UGP2: variants seen among roughly 807,000 people sequenced by gnomAD.
UGP2 encodes the protein UDP-glucose pyrophosphorylase 2.
In UGP2, 40 loss-of-function variants were observed where a neutral mutation model predicts 49.0. That is an observed-to-expected ratio of 0.82 (90% confidence interval 0.63 to 1.06). The LOEUF (loss-of-function observed/expected upper bound fraction) is 1.06. Among genes scored for constraint, UGP2 ranks in the 50% least tolerant of loss-of-function variants. The probability of loss-of-function intolerance (pLI) is 0.00; values close to 1 mark genes in which losing one functional copy is unlikely to be tolerated. For missense variants in UGP2, 460 were observed against 603.5 expected (o/e 0.76, Z 2.49); for synonymous variants, 225 against 213.0 (o/e 1.06, Z -0.49).
At chr2:63,849,659 C>T (rs1558933096) in intron 1 of UGP2, among the ~76,000 whole-genome samples, 1 of 152,158 alleles carries the variant, frequency 6.6e-6, no homozygotes, top group East Asian at 1.9e-4. Flanking sequence ...GGTTTTCATT[C>T]AGATTTAGTG....
chr2:63,861,395 A>G (rs1669834250), intron 3 of UGP2, among the ~76,000 whole-genome samples: 1 of 152,012 alleles, frequency 6.6e-6, no homozygotes, highest in Non-Finnish European at 1.5e-5. Flanking sequence ...TTGAGCGCTA[A>G]TTTAAAACCT....
At chr2:63,848,705 C>T (rs992686251) in intron 1 of UGP2, among the ~76,000 whole-genome samples, 1 of 152,206 alleles carries the variant, frequency 6.6e-6, no homozygotes, top group Non-Finnish European at 1.5e-5. Context: ...ACGTGTCCTT[C>T]TATTAATAAC....
intron 7 of UGP2, among the ~76,000 whole-genome samples, chr2:63,887,100 C>T (rs1446387618): frequency 2.0e-5 from 3 of 151,954 alleles, no homozygotes; most frequent in East Asian, 1.9e-4. Context: ...CCCATCTCTA[C>T]TAAAAATACA....
At chr2:63,860,849 C>T (rs949577027) in intron 3 of UGP2, among the ~76,000 whole-genome samples, 16 of 150,438 alleles carry the variant, frequency 1.1e-4, no homozygotes. Flanking sequence ...AGTGATCCTC[C>T]TGCCTTAACC....
chr2:63,856,249 G>A, intron 1 of UGP2, 57 bp from the exon 2 acceptor site: 1 of 1,580,454 alleles, frequency 6.3e-7, no homozygotes. Flanking sequence ...TAGCTTACCA[G>A]CTGTTTGAAT....
At chr2:63,890,768 G>T (rs1452947820) in intron 9 of UGP2, among the ~76,000 whole-genome samples, 1 of 152,140 alleles carries the variant, frequency 6.6e-6, no homozygotes, top group African/African-American at 2.4e-5. Context: ...AGCCCTATAT[G>T]TAAATGTAAA....
chr2:63,874,807 T>C (rs1670803525), intron 3 of UGP2, among the ~76,000 whole-genome samples: 1 of 151,656 alleles, frequency 6.6e-6, no homozygotes, highest in Non-Finnish European at 1.5e-5. Flanking sequence ...CCTCCCTCCC[T>C]TTTTTTCTTG....
At chr2:63,856,789 G>A (rs1321582145) in intron 2 of UGP2, 1 of 462,550 alleles carries the variant, frequency 2.2e-6, no homozygotes, top group South Asian at 1.5e-5. Flanking sequence ...CTTTTCCAGA[G>A]AGTCACTTCT....
At chr2:63,854,035 G>A (rs367779657) in intron 1 of UGP2, among the ~76,000 whole-genome samples, 3 of 152,050 alleles carry the variant, frequency 2.0e-5, no homozygotes, top group African/African-American at 7.2e-5. Context: ...GGATTTTTGC[G>A]TCAAGGTTAA....
Position 63,875,548 on chromosome 2 carries a change from C to A in UGP2, c.256-6918C>A, listed in dbSNP as rs185134372. Among the ~76,000 whole-genome samples the A allele has an allele frequency of 1.1e-3, 160 of 152,264 alleles. 1 individual carries two copies. Among genetic ancestry groups the A allele is most frequent in the Middle Eastern group, 3.4e-3 (1 of 294 alleles). On this transcript the variant is annotated intron_variant, in intron 3 of 9. Coordinates refer to ENST00000337130, the MANE Select transcript of UGP2 (RefSeq NM_006759.4). ...TCATGGTAGATAGTTTTAAAAAGAT[C>A]TTTTTAAAAATCTCATTCCACTTTC...
At chr2:63,883,917 G>C in intron 4 of UGP2, 43 bp from the exon 5 acceptor site, 1 of 1,566,894 alleles carries the variant, frequency 6.4e-7, no homozygotes, top group Non-Finnish European at 8.6e-7. Flanking sequence ...TTGAGCAAAA[G>C]AAAAGTGAGT....
At chr2:63,851,382 T>A (rs1284954636) in intron 1 of UGP2, among the ~76,000 whole-genome samples, 1 of 152,180 alleles carries the variant, frequency 6.6e-6, no homozygotes, top group Non-Finnish European at 1.5e-5. Flanking sequence ...GGGTGTTTGA[T>A]ATAATACAGA....
chr2:63,871,756 A>G (rs1174654624), intron 3 of UGP2, among the ~76,000 whole-genome samples: 1 of 152,250 alleles, frequency 6.6e-6, no homozygotes. Flanking sequence ...GCACGAAGCC[A>G]ACATATAGCC....
Position 63,891,028 on chromosome 2 carries a change from A to G in UGP2, c.1420-92A>G. Reference sequence around the variant, plus strand: ...ATAAAAAAAGTTACTTCACTGTAAAAAAAAAAAAGTTGTACATAAACTTGA... The same window carrying G: ...ATAAAAAAAGTTACTTCACTGTAAAGAAAAAAAAGTTGTACATAAACTTGA... On this transcript the variant is annotated intron_variant, in intron 9 of 9. Coordinates refer to ENST00000337130, the MANE Select transcript of UGP2 (RefSeq NM_006759.4). 2.7e-6 allele frequency: 3 copies of G among 1,094,614 alleles called. No individual in the cohort carries two copies. In the Admixed American group the frequency reaches 8.5e-5, roughly 31 times the overall value. The allele number at this position is 1,094,614 out of a possible 1,614,324, so 67.8% of individuals were successfully genotyped here. A position where few individuals can be genotyped will look rare whatever the true frequency, so the allele number is the denominator to read the frequency against.
At chr2:63,891,039 T>C in intron 9 of UGP2, 81 bp from the exon 10 acceptor site, 1 of 1,171,642 alleles carries the variant, frequency 8.5e-7, no homozygotes, top group Non-Finnish European at 1.2e-6. Flanking sequence ...AAAAAAAAGT[T>C]GTACATAAAC....
At chr2:63,872,489 A>C (rs1052120138) in intron 3 of UGP2, among the ~76,000 whole-genome samples, 1 of 152,194 alleles carries the variant, frequency 6.6e-6, no homozygotes, top group Non-Finnish European at 1.5e-5. Flanking sequence ...CTTCATAACG[A>C]ATTAATGAAG....
intron 3 of UGP2, among the ~76,000 whole-genome samples, chr2:63,879,327 T>C (rs534788023): frequency 1.3e-5 from 2 of 152,348 alleles, no homozygotes; most frequent in African/African-American, 2.4e-5. Context: ...AACATTGTTA[T>C]ATATAAAATT....
Position 63,887,419 on chromosome 2 carries a change from G to T in UGP2, c.1089G>T (p.Leu363=). 1 of 1,613,996 alleles carries T rather than the reference G, an allele frequency of 6.2e-7. No homozygotes were observed. The highest frequency in any genetic ancestry group is 8.5e-7 in the Non-Finnish European group (1 of 1,179,986). The part of the protein sequence containing the change: ...IVNAKTLDGG[L]NVIQLETAVG... ...TCTTACAGACTTTGGATGGAGGCCT[G>T]AATGTCATTCAATTAGAAACTGCAG... The change falls in exon 8 of 10, where the codon CTG becomes CTT. Residue 363 remains leucine, a synonymous_variant. Coordinates refer to ENST00000337130, the MANE Select transcript of UGP2 (RefSeq NM_006759.4).
Position 63,887,477 on chromosome 2 carries a change from C to G in UGP2, c.1147C>G (p.Leu383Val). The G allele has an allele frequency of 1.2e-6, 2 of 1,613,970 alleles. No individual in the cohort carries two copies. The highest frequency in any genetic ancestry group is 8.5e-7 in the Non-Finnish European group (1 of 1,180,006). ...TGCCATCAAAAGTTTTGAGAATTCT[C>G]TAGGTATTAATGTGCCAAGGAGCCG... ...GAAIKSFENS[L>V]GINVPRSRFL... The change falls in exon 8 of 10, where the codon CTA becomes GTA. Residue 383 changes from leucine to valine, a missense_variant. Around this residue, in one of 2 missense-constraint regions of UGP2, gnomAD observed 317 missense variants for 473.0 expected, o/e 0.67. Coordinates refer to ENST00000337130, the MANE Select transcript of UGP2 (RefSeq NM_006759.4).
Sources: allele counts gnomAD v4.1 joint callset (sites outside exome capture counted in the v4.1 genomes callset), GRCh38; gene constraint gnomAD v4.1.1; regional missense constraint gnomAD v4.1.1; transcripts MANE v1.5; gene names NCBI Gene and HGNC (gene_info 2026-07-23, HGNC 2026-07-21).